The following CPED1 variants were observed in gnomAD, a reference collection of about 807,000 sequenced individuals.
The protein encoded by CPED1 is cadherin-like and PC-esterase domain-containing protein 1.
A neutral mutation model predicts 128.2 loss-of-function variants in CPED1; 114 were observed. The observed-to-expected ratio is 0.89, with a 90% CI of 0.76 to 1.04. The LOEUF is 1.04. Among genes scored for constraint, CPED1 ranks in the 50% least tolerant of loss-of-function variants. The pLI, the probability that CPED1 is intolerant of heterozygous loss-of-function variation, is 0.00. For missense variants in CPED1, 1,211 were observed against 1,207.1 expected (o/e 1.00, Z -0.05); for synonymous variants, 462 against 426.7 (o/e 1.08, Z -1.02).
At chr7:121,036,266 T>C (rs1285175798) in intron 3 of CPED1, among the ~76,000 whole-genome samples, 2 of 152,200 alleles carry the variant, frequency 1.3e-5, no homozygotes, top group East Asian at 3.9e-4. Flanking sequence ...TCTTTTCTCT[T>C]TCACCATCCC....
chr7:121,178,577 A>G (rs890834883), intron 16 of CPED1, among the ~76,000 whole-genome samples: 1 of 152,044 alleles, frequency 6.6e-6, no homozygotes, highest in Admixed American at 6.6e-5. Flanking sequence ...ACTGTGCAAG[A>G]TGTGACAGCC....
At chr7:121,158,390 C>T (rs1796339551) in intron 16 of CPED1, among the ~76,000 whole-genome samples, 1 of 152,152 alleles carries the variant, frequency 6.6e-6, no homozygotes, top group South Asian at 2.1e-4. Flanking sequence ...ATTCAGCCCT[C>T]CCTGCCAACT....
chr7:121,215,082 G>A (rs1797730565), intron 16 of CPED1, among the ~76,000 whole-genome samples: 1 of 151,828 alleles, frequency 6.6e-6, no homozygotes, highest in Admixed American at 6.6e-5. Flanking sequence ...TAGACTGCCG[G>A]GCCCTTTCTT....
At chr7:121,230,120 T>C (rs1309093802) in intron 16 of CPED1, among the ~76,000 whole-genome samples, 2 of 152,046 alleles carry the variant, frequency 1.3e-5, no homozygotes, top group African/African-American at 2.4e-5. Context: ...CATAGAACTG[T>C]AGCAGAGGAG....
intron 16 of CPED1, chr7:121,149,713 T>A (rs1344134945): frequency 6.7e-6 from 1 of 149,746 alleles, no homozygotes; most frequent in Non-Finnish European, 1.5e-5. Flanking sequence ...TAAGAATTTG[T>A]CTTCTGATTT....
intron 16 of CPED1, among the ~76,000 whole-genome samples, chr7:121,172,301 A>G (rs1318555776): frequency 6.6e-6 from 1 of 152,226 alleles, no homozygotes; most frequent in Non-Finnish European, 1.5e-5. Flanking sequence ...TGCTTAGTTT[A>G]CAATGCGAAG....
chr7:121,180,392 A>C (rs186944293), intron 16 of CPED1, among the ~76,000 whole-genome samples: 2 of 152,182 alleles, frequency 1.3e-5, no homozygotes, highest in East Asian at 3.9e-4. Context: ...TAGACTTTTA[A>C]TGTGGTAGCT....
At position 121,053,428 on chromosome 7, in the gene CPED1, T is replaced by C. The variant is rs918594667; in HGVS notation, c.540+6435T>C. 4.6e-5 allele frequency among the ~76,000 whole-genome samples: 7 copies of C among 152,218 alleles called. No homozygotes were observed. The East Asian group carries it at 1.2e-3, about 25-fold the overall frequency. Reference sequence around the variant, plus strand: ...ATTTCTTCATAAGGTTATGAAACTTTGGCAAGAATTTCTTGGAAGCAGTCT... The same window carrying C: ...ATTTCTTCATAAGGTTATGAAACTTCGGCAAGAATTTCTTGGAAGCAGTCT... On this transcript the variant is annotated intron_variant, in intron 4 of 22. Transcript: ENST00000310396.
intron 6 of CPED1, 47 bp downstream of exon 6, chr7:121,097,878 G>A (rs762977329): frequency 1.9e-6 from 3 of 1,602,864 alleles, no homozygotes; most frequent in Non-Finnish European, 2.6e-6. Context: ...CATTGTAGGA[G>A]ACAGCTAACA....
intron 5 of CPED1, among the ~76,000 whole-genome samples, chr7:121,095,164 A>AT (rs1056770946): frequency 9.9e-5 from 15 of 152,230 alleles, no homozygotes; most frequent in African/African-American, 3.1e-4. Flanking sequence ...TCGTTTGAGC[A>AT]TTGTTTGTAG....
At chr7:121,063,879 G>A (rs971027226) in intron 4 of CPED1, among the ~76,000 whole-genome samples, 2 of 152,074 alleles carry the variant, frequency 1.3e-5, no homozygotes, top group African/African-American at 2.4e-5. Context: ...TGAAATTTTG[G>A]AACGGGTTTA....
chr7:121,213,335 A>G (rs2116600768), intron 16 of CPED1, among the ~76,000 whole-genome samples: 1 of 152,174 alleles, frequency 6.6e-6, no homozygotes, highest in African/African-American at 2.4e-5. Flanking sequence ...CTATTGAATA[A>G]GAATGATAAT....
chr7:121,261,670 T>G, intron 18 of CPED1: 1 of 1,611,114 alleles, frequency 6.2e-7, no homozygotes, highest in South Asian at 1.1e-5. Context: ...GAAGCCGTAA[T>G]TGAAGACACA....
At chr7:121,071,500 A>G (rs1051257086) in intron 5 of CPED1, among the ~76,000 whole-genome samples, 2 of 151,924 alleles carry the variant, frequency 1.3e-5, no homozygotes, top group East Asian at 1.9e-4. Flanking sequence ...TATCTTTGCT[A>G]CTTTTTCTTA....
At chr7:121,051,026 C>T (rs1176862348) in intron 4 of CPED1, 24 of 540,330 alleles carry the variant, frequency 4.4e-5, no homozygotes, top group Non-Finnish European at 7.8e-5. Context: ...AAGGCAGCAG[C>T]GAAGGATAAA....
intron 16 of CPED1, among the ~76,000 whole-genome samples, chr7:121,229,424 G>C (rs1186901113): frequency 6.6e-6 from 1 of 151,946 alleles, no homozygotes; most frequent in Non-Finnish European, 1.5e-5. Context: ...CTCAGCATAT[G>C]TCTAAGAAAT....
intron 2 of CPED1, among the ~76,000 whole-genome samples, chr7:120,990,754 T>C (rs944122121): frequency 2.0e-5 from 3 of 152,222 alleles, no homozygotes; most frequent in African/African-American, 7.2e-5. Flanking sequence ...GCATCTTATA[T>C]CTACAGTAGA....
chr7:121,011,639 C>CATTT (rs1792165269), intron 2 of CPED1, among the ~76,000 whole-genome samples: 1 of 152,118 alleles, frequency 6.6e-6, no homozygotes, highest in African/African-American at 2.4e-5. Context: ...CATGTGCTTT[C>CATTT]ATTTAGCTTC....
intron 16 of CPED1, among the ~76,000 whole-genome samples, chr7:121,209,553 T>C (rs1051565804): frequency 6.6e-6 from 1 of 152,002 alleles, no homozygotes; most frequent in South Asian, 2.1e-4. Flanking sequence ...GATATCTATA[T>C]GTAGAAAAAT....
Sources: gnomAD v4.1 joint callset for allele counts (sites outside exome capture counted in the v4.1 genomes callset) on GRCh38, gnomAD v4.1.1 for gene constraint, MANE v1.5 for transcripts, NCBI Gene and HGNC (gene_info 2026-07-23, HGNC 2026-07-21) for gene names.